The following CDHR3 variants were observed in gnomAD, a reference collection of about 807,000 sequenced individuals.
The protein encoded by CDHR3 is cadherin related family member 3.
Under a neutral mutation model 86.6 loss-of-function variants are expected in CDHR3, and 79 were observed. The observed-to-expected ratio is 0.91, with a 90% CI of 0.76 to 1.10. The LOEUF (loss-of-function observed/expected upper bound fraction) is 1.10. Among genes scored for constraint, CDHR3 ranks in the 50% least tolerant of loss-of-function variants. The probability of loss-of-function intolerance (pLI) is 0.00; values close to 1 mark genes in which losing one functional copy is unlikely to be tolerated. For missense variants in CDHR3, 1,081 were observed against 1,077.6 expected, an observed-to-expected ratio of 1.00 and a Z score of -0.04; for synonymous variants, 421 against 402.4, an observed-to-expected ratio of 1.05 and a Z score of -0.55.
chr7:105,985,359 G>A (rs900739943), intron 4 of CDHR3, among the ~76,000 whole-genome samples: 5 of 152,056 alleles, frequency 3.3e-5, no homozygotes, highest in African/African-American at 7.2e-5. Flanking sequence ...AAAACAAAGC[G>A]AATCCCACCC....
intron 18 of CDHR3, among the ~76,000 whole-genome samples, chr7:106,031,520 C>T (rs1002426438): frequency 5.3e-5 from 8 of 152,250 alleles, no homozygotes; most frequent in African/African-American, 9.6e-5. Context: ...GCAAACGGCA[C>T]CGGTCCTCCT....
chr7:106,007,930 A>G (rs1490308742), intron 8 of CDHR3, among the ~76,000 whole-genome samples: 1 of 152,232 alleles, frequency 6.6e-6, no homozygotes, highest in African/African-American at 2.4e-5. Context: ...AAAGAGGTTT[A>G]ATGGGCTTAC....
intron 4 of CDHR3, among the ~76,000 whole-genome samples, chr7:105,991,297 T>G (rs1441150089): frequency 6.6e-6 from 1 of 152,194 alleles, no homozygotes; most frequent in Non-Finnish European, 1.5e-5. Context: ...TTTTTAGTCT[T>G]TGGATATTAT....
chr7:105,964,567 GAGAAATGTTTT>G (rs1327209550), intron 1 of CDHR3, among the ~76,000 whole-genome samples: 1 of 151,884 alleles, frequency 6.6e-6, no homozygotes, highest in Non-Finnish European at 1.5e-5. Context: ...TGGTGTGAGA[GAGAAATGTTTT>G]ATATGTTAAG....
At position 105,975,142 on chromosome 7, in the gene CDHR3, T is replaced by C. The variant is rs553685479; in HGVS notation, c.249+96T>C. 234 of 1,030,506 alleles carry C rather than the reference T, an allele frequency of 2.3e-4. No homozygotes were observed. The Admixed American group carries it at 4.0e-3, about 18-fold the overall frequency. 63.8% of individuals were successfully genotyped at this position (1,030,506 alleles called of 1,614,324 possible). ...GCCAGATCAGTGATTAATTCCTCCA[T>C]CTGGTTTAATCTTCCCTCTTGTAAG... is the stretch of plus-strand genomic sequence containing the variant. On this transcript the variant is annotated intron_variant, in intron 2 of 18. Coordinates refer to ENST00000317716, the MANE Select transcript of CDHR3 (RefSeq NM_152750.5).
chr7:105,984,149 C>A, intron 3 of CDHR3, 43 bp from the exon 4 acceptor site: 1 of 1,309,300 alleles, frequency 7.6e-7, no homozygotes, highest in Non-Finnish European at 1.1e-6. Flanking sequence ...CCCATTTTTG[C>A]TTTAATAAGA....
chr7:105,980,636 T>TATTATACTCTAAG (rs1829584362), intron 2 of CDHR3, among the ~76,000 whole-genome samples: 1 of 147,304 alleles, frequency 6.8e-6, no homozygotes, highest in Non-Finnish European at 1.5e-5. Context: ...TTTTTTTTTT[T>TATTATACTCTAAG]TTATTATACT....
At chr7:106,019,050 C>T (rs910184114) in intron 12 of CDHR3, among the ~76,000 whole-genome samples, 2 of 152,128 alleles carry the variant, frequency 1.3e-5, no homozygotes, top group Non-Finnish European at 2.9e-5. Flanking sequence ...CAAACTATTC[C>T]CTGGTCCTTC....
chr7:106,007,468 T>G (rs1296823068), intron 8 of CDHR3, among the ~76,000 whole-genome samples: 1 of 152,248 alleles, frequency 6.6e-6, no homozygotes, highest in African/African-American at 2.4e-5. Flanking sequence ...AGTCACATCT[T>G]GAATGCTTTG....
chr7:106,019,196 G>C (rs1836145882), intron 12 of CDHR3, among the ~76,000 whole-genome samples: 1 of 152,206 alleles, frequency 6.6e-6, no homozygotes, highest in Non-Finnish European at 1.5e-5. Flanking sequence ...GAGGGAGTCT[G>C]AGCAATGCTT....
At position 106,022,265 on chromosome 7, in the gene CDHR3, A is replaced by G. The variant is rs1171415882; in HGVS notation, c.1893A>G (p.Thr631=). 5.0e-5 allele frequency: 81 copies of G among 1,614,026 alleles called. No individual in the cohort carries two copies. Among genetic ancestry groups the G allele is most frequent in the Non-Finnish European group, 6.9e-5 (81 of 1,179,912 alleles). Residue 631 remains threonine (T), a synonymous_variant, in exon 14 of 19, where the codon ACA becomes ACG. Transcript: ENST00000317716. The part of the protein sequence containing the change: ...AGSNVTRLLL[T]SRFDYAGGFD... ...CCAATGTCACACGCCTGCTGCTTAC[A>G]TCTCGCTTTGACTATGCTGGTGGGT...
chr7:105,969,063 G>A (rs371256522), intron 1 of CDHR3, among the ~76,000 whole-genome samples: 5 of 149,718 alleles, frequency 3.3e-5, no homozygotes, highest in African/African-American at 9.8e-5. Flanking sequence ...ACTCCAGCCC[G>A]GGGGACAGAG....
At chr7:106,019,941 G>A (rs983855356) in intron 12 of CDHR3, among the ~76,000 whole-genome samples, 1 of 152,238 alleles carries the variant, frequency 6.6e-6, no homozygotes, top group African/African-American at 2.4e-5. Context: ...ACAAGGGGCA[G>A]CAGGCAAGGT....
intron 1 of CDHR3, among the ~76,000 whole-genome samples, chr7:105,965,568 C>CG (rs1826770617): frequency 3.7e-5 from 1 of 26,812 alleles, no homozygotes; most frequent in African/African-American, 8.5e-5. Context: ...TCAAGCCCCA[C>CG]CCCCCCCCAT....
intron 1 of CDHR3, among the ~76,000 whole-genome samples, chr7:105,966,963 T>A (rs1184579944): frequency 6.8e-6 from 1 of 147,938 alleles, no homozygotes; most frequent in Admixed American, 6.7e-5. Context: ...TTTTTTTTTT[T>A]TATTATTATA....
At chr7:105,993,173 C>T (rs1831624788) in intron 4 of CDHR3, among the ~76,000 whole-genome samples, 1 of 152,180 alleles carries the variant, frequency 6.6e-6, no homozygotes, top group African/African-American at 2.4e-5. Flanking sequence ...ATCCCTCATC[C>T]TAGCAGGAAA....
chr7:106,029,829 G>A (rs1252816767), intron 17 of CDHR3, among the ~76,000 whole-genome samples: 2 of 152,332 alleles, frequency 1.3e-5, no homozygotes, highest in African/African-American at 2.4e-5. Context: ...GCAGTCTCAG[G>A]TCTCCTGGGT....
At chr7:105,964,152 T>C (rs1172491225) in intron 1 of CDHR3, among the ~76,000 whole-genome samples, 2 of 152,136 alleles carry the variant, frequency 1.3e-5, no homozygotes, top group African/African-American at 4.8e-5. Flanking sequence ...AAGAACAGGG[T>C]TCTAGATACT....
intron 8 of CDHR3, among the ~76,000 whole-genome samples, chr7:106,012,279 G>A (rs1834925427): frequency 6.6e-6 from 1 of 152,098 alleles, no homozygotes; most frequent in Non-Finnish European, 1.5e-5. Flanking sequence ...AAAATAAAGA[G>A]GGGAATAGGA....
Sources: allele counts gnomAD v4.1 joint callset (sites outside exome capture counted in the v4.1 genomes callset), GRCh38; gene constraint gnomAD v4.1.1; transcripts MANE v1.5; gene names NCBI Gene and HGNC (gene_info 2026-07-23, HGNC 2026-07-21).